Variants in ST3GAL1 observed in about 807,000 individuals in gnomAD.
ST3GAL1 encodes ST3 beta-galactoside alpha-2,3-sialyltransferase 1.
ST3GAL1 carries 16 observed loss-of-function variants against 34.1 expected under a neutral mutation model. The ratio of observed to expected loss-of-function variants is 0.47; its 90% CI spans 0.32 to 0.71. The LOEUF (loss-of-function observed/expected upper bound fraction) is 0.71. Among genes scored for constraint, ST3GAL1 ranks in the 30% least tolerant of loss-of-function variants. ST3GAL1 has a pLI of 0.04. For missense variants in ST3GAL1, 353 were observed against 447.4 expected, an observed-to-expected ratio of 0.79 and a Z score of 1.90; for synonymous variants, 191 against 184.7, an observed-to-expected ratio of 1.03 and a Z score of -0.28.
chr8:133,567,764 A>G (rs1819446020), intron 1 of ST3GAL1, among the ~76,000 whole-genome samples: 1 of 152,142 alleles, frequency 6.6e-6, no homozygotes, highest in Admixed American at 6.5e-5. Context: ...GGGGTAGTAG[A>G]CAGTCCAGCT....
At chr8:133,504,868 C>T (rs1817287378) in intron 2 of ST3GAL1, among the ~76,000 whole-genome samples, 1 of 152,042 alleles carries the variant, frequency 6.6e-6, no homozygotes, top group Non-Finnish European at 1.5e-5. Flanking sequence ...GGAGGACAAA[C>T]ATTCCAGATT....
chr8:133,464,687 G>A (rs1193640634), intron 7 of ST3GAL1, 91 bp downstream of exon 7: 25 of 1,444,914 alleles, frequency 1.7e-5, no homozygotes, highest in Non-Finnish European at 2.2e-5. Flanking sequence ...AGGCACCCCG[G>A]TGGAGGCACA....
At position 133,487,293 on chromosome 8, in the gene ST3GAL1, G is replaced by GTATATA. The variant is rs34125913; in HGVS notation, c.-373-10699_-373-10694dup. Among the ~76,000 whole-genome samples, 522 of 150,476 alleles carry GTATATA rather than the reference G, an allele frequency of 3.5e-3. 3 individuals are homozygous for GTATATA. The highest frequency in any genetic ancestry group is 0.017 in the Middle Eastern group (5 of 290). ...ACACATATTGGAAACAATACTATTG[G>GTATATA]TATATATATATATATATAGTGCTTA... is the stretch of plus-strand genomic sequence containing the variant. On this transcript the variant is annotated intron_variant, in intron 3 of 9. Transcript: ENST00000522652.
intron 2 of ST3GAL1, among the ~76,000 whole-genome samples, chr8:133,525,896 A>G (rs1817960972): frequency 6.6e-6 from 1 of 152,208 alleles, no homozygotes; most frequent in South Asian, 2.1e-4. Context: ...TGGGTCCCCA[A>G]GAGCAGAGGG....
Position 133,461,740 on chromosome 8 carries a change from G to T in ST3GAL1, c.849+135C>A. On this transcript the variant is annotated intron_variant, in intron 9 of 9. Coordinates refer to ENST00000522652, the MANE Select transcript of ST3GAL1 (RefSeq NM_173344.3). The surrounding 1 kb of genome is among the most constrained non-coding windows in gnomAD (Gnocchi z 4.7). ...CTGGGAGACACATGTTGCAAGTCCT[G>T]TCGTAGAGACAGGGAATCCGAGCTT... 7.7e-7 allele frequency: 1 copy of T among 1,294,812 alleles called. No homozygotes were observed. The highest frequency in any genetic ancestry group is 1.1e-6 in the Non-Finnish European group (1 of 927,726). The allele number at this position is 1,294,812 out of a possible 1,614,324, so 80.2% of individuals were successfully genotyped here. A position where few individuals can be genotyped will look rare whatever the true frequency, so the allele number is the denominator to read the frequency against.
At chr8:133,475,672 C>T in intron 5 of ST3GAL1, 47 bp downstream of exon 5, 1 of 1,509,306 alleles carries the variant, frequency 6.6e-7, no homozygotes, top group African/African-American at 1.4e-5. Context: ...ACTCTCAGTC[C>T]ACACCCCAAC....
chr8:133,525,878 G>A (rs1817959772), intron 2 of ST3GAL1, among the ~76,000 whole-genome samples: 1 of 152,180 alleles, frequency 6.6e-6, no homozygotes, highest in South Asian at 2.1e-4. Flanking sequence ...CATGACAGGG[G>A]GGCTTCCTGG....
chr8:133,563,504 A>C (rs1414323501), intron 1 of ST3GAL1, among the ~76,000 whole-genome samples: 1 of 152,218 alleles, frequency 6.6e-6, no homozygotes, highest in East Asian at 1.9e-4. Flanking sequence ...CCCACGCTAA[A>C]GTTCCAGGTC....
At chr8:133,495,543 C>T (rs542541842) in intron 3 of ST3GAL1, among the ~76,000 whole-genome samples, 60 of 152,344 alleles carry the variant, frequency 3.9e-4, no homozygotes, top group African/African-American at 1.4e-3. Context: ...GACACTTCTC[C>T]ATGAGTTTCT....
At chr8:133,542,697 C>A (rs1439918783) in intron 2 of ST3GAL1, among the ~76,000 whole-genome samples, 1 of 149,794 alleles carries the variant, frequency 6.7e-6, no homozygotes, top group Non-Finnish European at 1.5e-5. Flanking sequence ...ACTGCTTGAA[C>A]CTGGGAGACA....
intron 2 of ST3GAL1, among the ~76,000 whole-genome samples, chr8:133,524,670 G>A (rs866229762): frequency 2.0e-5 from 3 of 152,396 alleles, no homozygotes; most frequent in Middle Eastern, 6.8e-3. Flanking sequence ...GCTGGTTGCT[G>A]CGACAGGATG....
At chr8:133,551,405 T>C (rs887051966) in intron 1 of ST3GAL1, among the ~76,000 whole-genome samples, 1 of 150,774 alleles carries the variant, frequency 6.6e-6, no homozygotes, top group African/African-American at 2.4e-5. Flanking sequence ...GAGGCAGAGG[T>C]TGCAGTGAGC....
rs571043173 is a variant in ST3GAL1 at position 133,483,996 on chromosome 8, G to A, written c.-373-7396C>T. ...TGAAGTATCCAAGATTTACACATCC[G>A]CAGGAAAGCCTGGCCACCTCACAAC... On this transcript the variant is annotated intron_variant, in intron 3 of 9. Transcript: ENST00000522652. Among the ~76,000 whole-genome samples, 37 of 152,290 alleles carry A rather than the reference G, an allele frequency of 2.4e-4. No homozygotes were observed. In the East Asian group the frequency reaches 3.1e-3, roughly 13 times the overall value.
chr8:133,473,454 T>G (rs1194957711), intron 5 of ST3GAL1, among the ~76,000 whole-genome samples: 6 of 152,172 alleles, frequency 3.9e-5, no homozygotes, highest in Non-Finnish European at 8.8e-5. Context: ...TGTAGTACCC[T>G]GTTTGTCCCC....
intron 2 of ST3GAL1, among the ~76,000 whole-genome samples, chr8:133,522,454 T>C (rs888790603): frequency 1.3e-5 from 2 of 152,046 alleles, no homozygotes; most frequent in Non-Finnish European, 1.5e-5. Context: ...TTCCAAGTCA[T>C]AGCTGAGGGT....
At chr8:133,557,275 C>G (rs1819067668) in intron 1 of ST3GAL1, among the ~76,000 whole-genome samples, 1 of 152,198 alleles carries the variant, frequency 6.6e-6, no homozygotes, top group African/African-American at 2.4e-5. Context: ...GCAGTGTAAA[C>G]ACAGTGGAAG....
At position 133,469,054 on chromosome 8, in the gene ST3GAL1, C is replaced by T. The variant is rs928072226; in HGVS notation, c.307-2964G>A. On this transcript the variant is annotated intron_variant, in intron 5 of 9. Coordinates refer to ENST00000522652, the MANE Select transcript of ST3GAL1 (RefSeq NM_173344.3). This position sits in a 1 kb window ranked among gnomAD's most constrained non-coding sequence, Gnocchi z 4.3. Reference sequence around the variant, plus strand: ...TGCAGTGACATTTACTGAGTGTCTACTGGGTGCCACAGAGGCCTGAGAAGC... The same window carrying T: ...TGCAGTGACATTTACTGAGTGTCTATTGGGTGCCACAGAGGCCTGAGAAGC... Among the ~76,000 whole-genome samples, 1 of 152,192 alleles carries T rather than the reference C, an allele frequency of 6.6e-6. No homozygotes were observed. The highest frequency in any genetic ancestry group is 2.4e-5 in the African/African-American group (1 of 41,450).
In ST3GAL1 at chr8:133,522,647, T is replaced by C. The variant is rs149210980; in HGVS notation, c.-429+23127A>G. On this transcript the variant is annotated intron_variant, in intron 2 of 9. Coordinates refer to ENST00000522652, the MANE Select transcript of ST3GAL1 (RefSeq NM_173344.3). ...TACGTTCATATCCAGCAGAGTCACCTGGTGGCCGCAGGGTCTTGCTAGTTA... is the reference window on the plus strand; with the variant it reads ...TACGTTCATATCCAGCAGAGTCACCCGGTGGCCGCAGGGTCTTGCTAGTTA... 3.8e-4 allele frequency among the ~76,000 whole-genome samples: 58 copies of C among 152,308 alleles called. 1 individual carries two copies. The East Asian group carries it at 8.1e-3, about 21-fold the overall frequency.
At chr8:133,562,841 C>CCTTCCTTCCTTCCTTCCTTTCTTTTT (rs1491286901) in intron 1 of ST3GAL1, among the ~76,000 whole-genome samples, 1 of 82,496 alleles carries the variant, frequency 1.2e-5, no homozygotes, top group African/African-American at 4.5e-5. Flanking sequence ...TTCCTTCCTT[C>CCTTCCTTCCTTCCTTCCTTTCTTTTT]CTTTCTTTCT....
Sources: allele counts gnomAD v4.1 joint callset (sites outside exome capture counted in the v4.1 genomes callset), GRCh38; gene constraint gnomAD v4.1.1; non-coding constraint Gnocchi (gnomAD v3.1); transcripts MANE v1.5; gene names NCBI Gene and HGNC (gene_info 2026-07-23, HGNC 2026-07-21).